MGMT: variants seen among roughly 807,000 people sequenced by gnomAD.
MGMT encodes methylated-DNA--protein-cysteine methyltransferase.
Under a neutral mutation model 15.9 loss-of-function variants are expected in MGMT, and 14 were observed. The ratio of observed to expected loss-of-function variants is 0.88; its 90% confidence interval spans 0.58 to 1.37. MGMT has a LOEUF of 1.37. Among genes scored for constraint, MGMT ranks in the 40% most tolerant of loss-of-function variants. The probability of loss-of-function intolerance (pLI) is 0.00; values close to 1 mark genes in which losing one functional copy is unlikely to be tolerated. For missense variants in MGMT, 282 were observed against 268.1 expected (o/e 1.05, Z -0.36); for synonymous variants, 130 against 118.2 (o/e 1.10, Z -0.65).
chr10:129,523,684 G>A (rs73384837), intron 1 of MGMT, among the ~76,000 whole-genome samples: 8,863 of 144,982 alleles, frequency 0.061, 857 homozygotes, highest in African/African-American at 0.21. Context: ...ATGCATTCCC[G>A]TTGTCTAGAG....
chr10:129,740,369 G>A (rs1386632953), intron 3 of MGMT, among the ~76,000 whole-genome samples: 3 of 152,108 alleles, frequency 2.0e-5, no homozygotes, highest in Non-Finnish European at 4.4e-5. Context: ...ATGGGAAGAG[G>A]CCCCCAGGAA....
At chr10:129,597,009 A>G (rs1846759125) in intron 2 of MGMT, among the ~76,000 whole-genome samples, 1 of 152,194 alleles carries the variant, frequency 6.6e-6, no homozygotes, top group Admixed American at 6.5e-5. Flanking sequence ...CTGGAGATCT[A>G]GGAGTTTTCC....
chr10:129,663,152 A>G (rs1022231159), intron 2 of MGMT, among the ~76,000 whole-genome samples: 5 of 152,254 alleles, frequency 3.3e-5, no homozygotes, highest in African/African-American at 1.2e-4. Context: ...GTTATGAAGA[A>G]AAGTTTCATA....
intron 1 of MGMT, among the ~76,000 whole-genome samples, chr10:129,500,449 A>C (rs368840882): frequency 3.7e-4 from 56 of 152,342 alleles, no homozygotes; most frequent in African/African-American, 1.2e-3. Flanking sequence ...CCTGAGGCAA[A>C]TTATTCACCT....
chr10:129,646,398 A>G (rs993722678), intron 2 of MGMT, among the ~76,000 whole-genome samples: 1 of 152,124 alleles, frequency 6.6e-6, no homozygotes, highest in South Asian at 2.1e-4. Context: ...GGGAGCCTAC[A>G]TGGCACCTAA....
chr10:129,715,241 A>G (rs1409587014), intron 3 of MGMT, among the ~76,000 whole-genome samples: 1 of 152,246 alleles, frequency 6.6e-6, no homozygotes, highest in African/African-American at 2.4e-5. Context: ...ATTAAACAGT[A>G]AATCAGTGAT....
chr10:129,513,487 C>T (rs80182291), intron 1 of MGMT, among the ~76,000 whole-genome samples: 4,433 of 152,266 alleles, frequency 0.029, 170 homozygotes, highest in African/African-American at 0.081. Context: ...CCACCGGCGA[C>T]CCCTGGCTGC....
chr10:129,696,638 A>G (rs2133132150), intron 2 of MGMT, among the ~76,000 whole-genome samples: 1 of 152,374 alleles, frequency 6.6e-6, no homozygotes, highest in South Asian at 2.1e-4. Context: ...CGTGCTCCGG[A>G]GGAGCCTCAG....
At chr10:129,632,846 A>G (rs1255582198) in intron 2 of MGMT, among the ~76,000 whole-genome samples, 3 of 152,176 alleles carry the variant, frequency 2.0e-5, no homozygotes, top group African/African-American at 4.8e-5. Flanking sequence ...TGTCTCATGC[A>G]GAGGAATACT....
In MGMT at chr10:129,537,564, T is replaced by G. The variant is rs73384896; in HGVS notation, c.125+1187T>G. 4.0e-3 allele frequency among the ~76,000 whole-genome samples: 595 copies of G among 150,518 alleles called. 3 individuals are homozygous for G. The highest frequency in any genetic ancestry group is 0.013 in the African/African-American group (556 of 41,336). On this transcript the variant is annotated intron_variant, in intron 2 of 4. Coordinates refer to ENST00000651593, the MANE Select transcript of MGMT (RefSeq NM_002412.5). Reference sequence around the variant, plus strand: ...TAAATCATAGAAATTATGTGTTGGTTTTTTTTTTCTTTTGGGAAAAAGGTA... The same window carrying G: ...TAAATCATAGAAATTATGTGTTGGTGTTTTTTTTCTTTTGGGAAAAAGGTA...
chr10:129,626,900 T>C (rs892098472), intron 2 of MGMT, among the ~76,000 whole-genome samples: 1 of 152,204 alleles, frequency 6.6e-6, no homozygotes, highest in Non-Finnish European at 1.5e-5. Flanking sequence ...AGGCTTCTCA[T>C]CTGAGTCGGT....
At chr10:129,595,019 GTC>G (rs1846734918) in intron 2 of MGMT, among the ~76,000 whole-genome samples, 2 of 152,184 alleles carry the variant, frequency 1.3e-5, no homozygotes, top group Admixed American at 6.5e-5. Context: ...CACCCCTGCC[GTC>G]TCTCGGGGCC....
chr10:129,664,618 T>C (rs2133107855), intron 2 of MGMT, among the ~76,000 whole-genome samples: 1 of 152,250 alleles, frequency 6.6e-6, no homozygotes, highest in South Asian at 2.1e-4. Flanking sequence ...CATGCACCAC[T>C]GAAAAGGATC....
At chr10:129,541,172 G>T (rs1010176335) in intron 2 of MGMT, among the ~76,000 whole-genome samples, 1 of 152,230 alleles carries the variant, frequency 6.6e-6, no homozygotes. Context: ...GTGTGGCTTC[G>T]CACGGGGACC....
rs572999447 is a variant in MGMT, at chr10:129,745,733, G to T, written c.275-13469G>T. On this transcript the variant is annotated intron_variant, in intron 3 of 4. Coordinates refer to ENST00000651593, the MANE Select transcript of MGMT (RefSeq NM_002412.5). Reference sequence around the variant, plus strand: ...GTTATGTTGAACATCTTCTTTTGTGGTTATTGACCCCTCCTTATATCCTCT... The same window carrying T: ...GTTATGTTGAACATCTTCTTTTGTGTTTATTGACCCCTCCTTATATCCTCT... Among the ~76,000 whole-genome samples the T allele has an allele frequency of 5.3e-5, 8 of 152,174 alleles. No homozygotes were observed. In the South Asian group the frequency reaches 1.7e-3, roughly 32 times the overall value.
rs1214771148 is a variant in MGMT, at chr10:129,618,433, T to A, written c.125+82056T>A. On this transcript the variant is annotated intron_variant, in intron 2 of 4. Coordinates refer to ENST00000651593, the MANE Select transcript of MGMT (RefSeq NM_002412.5). ...TGGCTCTGTAGTAAGTCTTGGTGTCTTGTAGAAGTTCTCCAAATTTCGTTG... is the reference window on the plus strand; with the variant it reads ...TGGCTCTGTAGTAAGTCTTGGTGTCATGTAGAAGTTCTCCAAATTTCGTTG... Among the ~76,000 whole-genome samples the A allele has an allele frequency of 2.6e-5, 4 of 152,068 alleles. No individual in the cohort carries two copies. The South Asian group carries it at 6.2e-4, about 24-fold the overall frequency.
intron 4 of MGMT, among the ~76,000 whole-genome samples, chr10:129,765,476 T>G (rs1456081162): frequency 6.6e-6 from 1 of 152,188 alleles, no homozygotes; most frequent in Non-Finnish European, 1.5e-5. Context: ...GTTACTGCCT[T>G]GTCTTTCACC....
At position 129,769,413 on chromosome 10, in the gene MGMT, A is replaced by G. The variant is rs1848976393; in HGVS notation, c.*2416A>G. 6.6e-6 allele frequency: 1 copy of G among 152,142 alleles called. No individual in the cohort carries two copies. Among genetic ancestry groups the G allele is most frequent in the African/African-American group, 2.4e-5 (1 of 41,418 alleles). The allele number at this position is 152,142 out of a possible 1,614,324, so 9.4% of individuals were successfully genotyped here. A position where few individuals can be genotyped will look rare whatever the true frequency, so the allele number is the denominator to read the frequency against. ...ACAAAGAAATACAAAACTATTTTCC[A>G]AATAAAAAGAAATGTCGAAACAAGA... On this transcript the variant is annotated 3_prime_UTR_variant, in exon 5 of 5. Coordinates refer to ENST00000651593, the MANE Select transcript of MGMT (RefSeq NM_002412.5).
Position 129,577,439 on chromosome 10 carries a change from G to T in MGMT, c.125+41062G>T, listed in dbSNP as rs537353297. Among the ~76,000 whole-genome samples the T allele has an allele frequency of 2.0e-5, 3 of 152,300 alleles. 1 individual carries two copies. In the South Asian group the frequency reaches 6.2e-4, roughly 32 times the overall value. ...TGACAAAAAGAAGAAATGGGGAAAG[G>T]ATTCCTTATTTAATAAATGGTGCTG... On this transcript the variant is annotated intron_variant, in intron 2 of 4. Transcript: ENST00000651593.
Sources: gnomAD v4.1 joint callset for allele counts (sites outside exome capture counted in the v4.1 genomes callset) on GRCh38, gnomAD v4.1.1 for gene constraint, MANE v1.5 for transcripts, NCBI Gene and HGNC (gene_info 2026-07-23, HGNC 2026-07-21) for gene names.